Variants in PCDH15 observed in about 807,000 individuals in gnomAD.
PCDH15 encodes the protein protocadherin-15.
A neutral mutation model predicts 178.5 loss-of-function variants in PCDH15; 129 were observed. That is an observed-to-expected ratio of 0.72 (90% CI 0.63 to 0.84). The LOEUF (loss-of-function observed/expected upper bound fraction) is 0.84, where lower values mean the gene tolerates loss of function less well. Among genes scored for constraint, PCDH15 ranks in the 40% least tolerant of loss-of-function variants. The pLI, the probability that PCDH15 is intolerant of heterozygous loss-of-function variation, is 0.00. For missense variants in PCDH15, 2,230 were observed against 2,099.9 expected (o/e 1.06, Z -1.21); for synonymous variants, 800 against 732.0 (o/e 1.09, Z -1.50).
intron 2 of PCDH15, among the ~76,000 whole-genome samples, chr10:55,008,890 AC>A (rs200654798): frequency 0.46 from 68,607 of 150,426 alleles, 17,376 homozygotes; most frequent in East Asian, 0.75. Context: ...TGTTTAAAAA[AC>A]AAAAACAAAA....
At chr10:55,098,521 T>C (rs371678867) in intron 2 of PCDH15, among the ~76,000 whole-genome samples, 2 of 152,138 alleles carry the variant, frequency 1.3e-5, no homozygotes, top group African/African-American at 4.8e-5. Context: ...GTTGTGCCAA[T>C]AGGAAAAGGC....
intron 6 of PCDH15, among the ~76,000 whole-genome samples, chr10:54,341,928 C>T (rs7071743): frequency 0.07 from 10,704 of 152,196 alleles, 493 homozygotes; most frequent in African/African-American, 0.12. Flanking sequence ...AATTTCTAAG[C>T]AGCAAAGTAT....
At chr10:54,422,801 G>C (rs555968426) in intron 3 of PCDH15, among the ~76,000 whole-genome samples, 4 of 152,148 alleles carry the variant, frequency 2.6e-5, no homozygotes, top group African/African-American at 7.2e-5. Flanking sequence ...TTTTGTCATT[G>C]TCAGTTAGGG....
At position 54,396,064 on chromosome 10, in the gene PCDH15, C is replaced by T. The variant is rs1236633523; in HGVS notation, c.158-17122G>A. Among the ~76,000 whole-genome samples, 9 of 152,036 alleles carry T rather than the reference C, an allele frequency of 5.9e-5. 1 individual carries two copies. Among genetic ancestry groups the T allele is most frequent in the Admixed American group, 1.3e-4 (2 of 15,248 alleles). On this transcript the variant is annotated intron_variant, in intron 3 of 37. Coordinates refer to ENST00000644397, the MANE Select transcript of PCDH15 (RefSeq NM_001384140.1). ...CTCTGCCTCTATTTACCTAAAAGGACGATATACATTTACAAAGACAAAAAA... is the reference window on the plus strand; with the variant it reads ...CTCTGCCTCTATTTACCTAAAAGGATGATATACATTTACAAAGACAAAAAA...
At chr10:55,045,761 C>T (rs1591856409) in intron 2 of PCDH15, among the ~76,000 whole-genome samples, 1 of 151,850 alleles carries the variant, frequency 6.6e-6, no homozygotes, top group South Asian at 2.1e-4. Flanking sequence ...AGAGCATTTT[C>T]ACAAAAAAGT....
chr10:54,042,782 T>C (rs1449550259), intron 18 of PCDH15, among the ~76,000 whole-genome samples: 3 of 152,134 alleles, frequency 2.0e-5, no homozygotes, highest in Non-Finnish European at 2.9e-5. Flanking sequence ...CTAATTTGCA[T>C]TTTTAAAATA....
chr10:53,857,261 G>C lies in PCDH15; in HGVS notation c.3720C>G (p.Val1240=). The change falls in exon 28 of 38, where the codon GTC becomes GTG. Residue 1240 remains valine (V), a splice_region_variant and synonymous_variant. Coordinates refer to ENST00000644397, the MANE Select transcript of PCDH15 (RefSeq NM_001384140.1). ...KGLSGKADVL[V]SVVNQLDMQV... is the part of the protein sequence containing the mutation. Reference sequence around the variant, plus strand: ...GCATATCCAGCTGATTGACCACGGAGACCTGAAAGAAGAAAAAACAGAATT... The same window carrying C: ...GCATATCCAGCTGATTGACCACGGACACCTGAAAGAAGAAAAAACAGAATT... 6.2e-7 allele frequency: 1 copy of C among 1,608,750 alleles called. No homozygotes were observed.
intron 3 of PCDH15, among the ~76,000 whole-genome samples, chr10:54,861,510 G>A (rs953966655): frequency 1.3e-5 from 2 of 152,036 alleles, no homozygotes; most frequent in African/African-American, 4.8e-5. Flanking sequence ...AGGACCAGAT[G>A]GATTCACAGC....
In PCDH15 at chr10:54,214,058, A is replaced by G. The variant is rs950142789; in HGVS notation, c.986-10T>C. 5 of 1,458,354 alleles carry G rather than the reference A, an allele frequency of 3.4e-6. No individual in the cohort carries two copies. Among genetic ancestry groups the G allele is most frequent in the Non-Finnish European group, 4.8e-6 (5 of 1,038,924 alleles). The allele number at this position is 1,458,354 out of a possible 1,614,324, so 90.3% of individuals were successfully genotyped here. On this transcript the variant is annotated splice_polypyrimidine_tract_variant and intron_variant, in intron 9 of 37. Coordinates refer to ENST00000644397, the MANE Select transcript of PCDH15 (RefSeq NM_001384140.1). ...TAATCCTCAGGAGTCCCTGGAAGAC[A>G]TTGAGATTTCAGTACATAATTGAGA...
At chr10:55,409,648 T>C (rs1838285964) in intron 2 of PCDH15, among the ~76,000 whole-genome samples, 1 of 152,042 alleles carries the variant, frequency 6.6e-6, no homozygotes, top group African/African-American at 2.4e-5. Flanking sequence ...CATAAGTAGA[T>C]GGTTAAAATA....
intron 6 of PCDH15, among the ~76,000 whole-genome samples, chr10:54,339,398 T>C (rs572508969): frequency 2.5e-4 from 38 of 152,250 alleles, no homozygotes; most frequent in African/African-American, 8.2e-4. Context: ...ACAATAACTG[T>C]GATGAGTACA....
intron 20 of PCDH15, among the ~76,000 whole-genome samples, chr10:54,017,450 T>C (rs2092776456): frequency 6.6e-6 from 1 of 152,158 alleles, no homozygotes; most frequent in Non-Finnish European, 1.5e-5. Flanking sequence ...TGGAACACTA[T>C]GCAGCCATAA....
intron 1 of PCDH15, among the ~76,000 whole-genome samples, chr10:54,682,166 A>T (rs928670103): frequency 7.3e-6 from 1 of 137,696 alleles, no homozygotes; most frequent in African/African-American, 2.8e-5. Context: ...GTAGGATTAG[A>T]GTAGACAAAC....
chr10:54,093,198 A>G (rs1238369434), intron 15 of PCDH15, among the ~76,000 whole-genome samples: 1 of 152,148 alleles, frequency 6.6e-6, no homozygotes, highest in Admixed American at 6.6e-5. Context: ...GTGAATGTCA[A>G]CAATTTGCCT....
intron 2 of PCDH15, among the ~76,000 whole-genome samples, chr10:55,047,020 TA>T (rs1449335517): frequency 2.6e-5 from 4 of 151,896 alleles, no homozygotes; most frequent in African/African-American, 9.7e-5. Context: ...AGCATTTTTT[TA>T]ATCTCGATTA....
In PCDH15 at chr10:54,079,440, A is replaced by G. The variant is rs896837934; in HGVS notation, c.1998-16T>C. On this transcript the variant is annotated splice_polypyrimidine_tract_variant and intron_variant, in intron 16 of 37. Coordinates refer to ENST00000644397, the MANE Select transcript of PCDH15 (RefSeq NM_001384140.1). Reference sequence around the variant, plus strand: ...AATCCCCGTGCTAGTGACAAAACAAACAAACAAATAAGACAAAAAGAGATA... The same window carrying G: ...AATCCCCGTGCTAGTGACAAAACAAGCAAACAAATAAGACAAAAAGAGATA... The G allele has an allele frequency of 1.9e-6, 3 of 1,603,386 alleles. No individual in the cohort carries two copies. Among genetic ancestry groups the G allele is most frequent in the Non-Finnish European group, 2.6e-6 (3 of 1,170,256 alleles).
chr10:54,344,916 A>ACC (rs1565027805), intron 6 of PCDH15, among the ~76,000 whole-genome samples: 1 of 147,254 alleles, frequency 6.8e-6, no homozygotes, highest in Non-Finnish European at 1.5e-5. Context: ...AAAAAAAAAA[A>ACC]AAAAAAAAAA....
intron 21 of PCDH15, among the ~76,000 whole-genome samples, chr10:53,968,210 C>T (rs1303692944): frequency 8.5e-5 from 13 of 152,178 alleles, no homozygotes; most frequent in South Asian, 2.1e-4. Flanking sequence ...TTATATCCCA[C>T]GCCTGGCTCA....
In PCDH15 at chr10:53,839,128, C is replaced by T. The variant is rs567655906; in HGVS notation, c.3983+1192G>A. Among the ~76,000 whole-genome samples the T allele has an allele frequency of 1.5e-3, 197 of 135,510 alleles. 2 individuals carry two copies. The highest frequency in any genetic ancestry group is 4.5e-3 in the Middle Eastern group (1 of 224). The allele number at this position is 135,510 out of a possible 152,430, so 88.9% of individuals were successfully genotyped here. ...CTGAGGCAGGAGAATGGCGTGAACC[C>T]GGGAGGTGGAGCTTGCAGTGAGCGA... On this transcript the variant is annotated intron_variant, in intron 29 of 37. Transcript: ENST00000644397.
Sources: gnomAD v4.1 joint callset for allele counts (sites outside exome capture counted in the v4.1 genomes callset) on GRCh38, gnomAD v4.1.1 for gene constraint, MANE v1.5 for transcripts, NCBI Gene and HGNC (gene_info 2026-07-23, HGNC 2026-07-21) for gene names.